PLAC1: variants seen among roughly 807,000 people sequenced by gnomAD.
PLAC1 encodes the protein placenta associated 1, also known as placenta-specific protein 1.
For missense variants in PLAC1, 136 were observed against 163.2 expected, an observed-to-expected ratio of 0.83 and a Z score of 0.91; for synonymous variants, 68 against 62.1, an observed-to-expected ratio of 1.09 and a Z score of -0.44.
At chrX:134,653,614 T>G (rs2078374756) in intron 1 of PLAC1, among the ~76,000 whole-genome samples, 1 of 111,220 alleles carries the variant, frequency 9.0e-6, no homozygotes, top group African/African-American at 3.3e-5. Flanking sequence ...GAGACCAATA[T>G]GAGGTCAGCA....
chrX:134,668,591 G>A (rs908947764), intron 2 of PLAC1, among the ~76,000 whole-genome samples: 1 of 112,784 alleles, frequency 8.9e-6, no homozygotes, highest in African/African-American at 3.2e-5. Context: ...AGGGATGTCT[G>A]CTTTTTTCCT....
chrX:134,608,582 A>G (rs775970249), intron 1 of PLAC1, among the ~76,000 whole-genome samples: 1 of 112,127 alleles, frequency 8.9e-6, no homozygotes, highest in South Asian at 3.8e-4. Flanking sequence ...TGGGATGATG[A>G]AAATGTTCTG....
rs147584327 is a variant in PLAC1, at chrX:134,608,322, C to T, written c.-130-6200G>A. Among the ~76,000 whole-genome samples the T allele has an allele frequency of 1.7e-4, 19 of 112,198 alleles. No individual in the cohort carries two copies. The Admixed American group carries it at 1.8e-3, about 11-fold the overall frequency. On this transcript the variant is annotated intron_variant, in intron 1 of 2. Coordinates refer to ENST00000359237, the MANE Select transcript of PLAC1 (RefSeq NM_021796.4). ...AACGGACAAGCAAAATGTAGTCTAT[C>T]AGTACAATGGAATATTATTCAGCCA...
intron 1 of PLAC1, among the ~76,000 whole-genome samples, chrX:134,606,663 A>G (rs1485111599): frequency 8.9e-6 from 1 of 112,410 alleles, no homozygotes; most frequent in East Asian, 2.8e-4. Flanking sequence ...ATTCTCAAAG[A>G]ACTAAAATTA....
intron 2 of PLAC1, among the ~76,000 whole-genome samples, chrX:134,716,306 C>T (rs1315375603): frequency 8.9e-6 from 1 of 112,275 alleles, no homozygotes; most frequent in Non-Finnish European, 1.9e-5. Context: ...CTGCTAATGG[C>T]AAAAAAGACA....
At chrX:134,708,130 C>G (rs1175138293) in intron 2 of PLAC1, among the ~76,000 whole-genome samples, 1 of 112,099 alleles carries the variant, frequency 8.9e-6, no homozygotes, top group Non-Finnish European at 1.9e-5. Context: ...CGTCCCTCAA[C>G]AAGTGAACGG....
intron 2 of PLAC1, among the ~76,000 whole-genome samples, chrX:134,684,938 T>G (rs73224756): frequency 1.8e-5 from 2 of 112,537 alleles, no homozygotes; most frequent in Non-Finnish European, 3.8e-5. Context: ...ACTTGGACTA[T>G]GCAGAAGAAA....
At chrX:134,586,907 G>C (rs1356270523) in intron 2 of PLAC1, among the ~76,000 whole-genome samples, 4 of 103,955 alleles carry the variant, frequency 3.8e-5, no homozygotes, top group African/African-American at 1.4e-4. Flanking sequence ...ATGTTAGCCA[G>C]GCTGGCCTCG....
At chrX:134,674,255 T>G (rs2078465742) in intron 2 of PLAC1, among the ~76,000 whole-genome samples, 1 of 112,622 alleles carries the variant, frequency 8.9e-6, no homozygotes, top group Non-Finnish European at 1.9e-5. Flanking sequence ...AGGAAAAATA[T>G]TCCAAGCACT....
intron 1 of PLAC1, among the ~76,000 whole-genome samples, chrX:134,639,593 T>C: frequency 8.9e-6 from 1 of 112,188 alleles, no homozygotes; most frequent in Non-Finnish European, 1.9e-5. Flanking sequence ...GAGGTGAAAT[T>C]CACATAAAAT....
intron 2 of PLAC1, 169 bp downstream of exon 2, chrX:134,601,882 T>C (rs1484908668): frequency 1.8e-5 from 2 of 112,294 alleles, no homozygotes; most frequent in African/African-American, 6.5e-5. Context: ...TTTCCTGGTA[T>C]AAATTAGAGT....
chrX:134,622,564 C>T lies in PLAC1; in HGVS notation c.-130-20442G>A, dbSNP rs942060817. 5.2e-4 allele frequency among the ~76,000 whole-genome samples: 58 copies of T among 111,304 alleles called. 1 individual carries two copies. Among genetic ancestry groups the T allele is most frequent in the Non-Finnish European group, 8.9e-4 (47 of 53,037 alleles). On this transcript the variant is annotated intron_variant, in intron 1 of 2. Transcript: ENST00000359237. ...CAATTTGGATACTGCTCAACACCTT[C>T]GAGTCCTTCTGGGTGGGCCTCAGTT...
At chrX:134,661,920 C>A (rs898581283), upstream of PLAC1, among the ~76,000 whole-genome samples, 1 of 112,003 alleles carries the variant, frequency 8.9e-6, no homozygotes, top group Non-Finnish European at 1.9e-5. Context: ...AATTATATAA[C>A]CTTGCAATAA....
chrX:134,590,196 A>AAAATAAATAAATAAATAAAT (rs371123358), intron 2 of PLAC1, among the ~76,000 whole-genome samples: 2 of 103,384 alleles, frequency 1.9e-5, no homozygotes, highest in African/African-American at 3.5e-5. Context: ...CTCCATCTCA[A>AAAATAAATAAATAAATAAAT]AAATAAATAA....
At chrX:134,599,199 T>C (rs953448225) in intron 2 of PLAC1, among the ~76,000 whole-genome samples, 3 of 111,796 alleles carry the variant, frequency 2.7e-5, no homozygotes, top group Non-Finnish European at 5.6e-5. Flanking sequence ...GATTGTGTGA[T>C]TTCTTTGAAA....
At chrX:134,592,041 G>A (rs1179814676) in intron 2 of PLAC1, among the ~76,000 whole-genome samples, 1 of 111,615 alleles carries the variant, frequency 9.0e-6, no homozygotes, top group Non-Finnish European at 1.9e-5. Flanking sequence ...CTAGATATGT[G>A]TCAGTTGTCA....
intron 2 of PLAC1, among the ~76,000 whole-genome samples, chrX:134,708,994 T>A (rs186428881): frequency 8.9e-6 from 1 of 112,140 alleles, no homozygotes; most frequent in African/African-American, 3.2e-5. Flanking sequence ...AGGGGGCCTC[T>A]CTGTACCATA....
chrX:134,722,729 C>G (rs1000707482), intron 2 of PLAC1, among the ~76,000 whole-genome samples: 2 of 111,969 alleles, frequency 1.8e-5, no homozygotes, highest in Non-Finnish European at 3.8e-5. Context: ...AGGGAGATAA[C>G]TGATTTTTGG....
chrX:134,717,587 A>G lies in PLAC1; in HGVS notation n.174+15848T>C, dbSNP rs376618008. 4.5e-5 allele frequency among the ~76,000 whole-genome samples: 5 copies of G among 112,254 alleles called. No individual in the cohort carries two copies. The East Asian group carries it at 1.4e-3, about 32-fold the overall frequency. ...GACAAGTAGCTTTTATCAGCCACAC[A>G]TGTGGGGGTGAGGAAAGAACTTTGC... On this transcript the variant is annotated intron_variant and non_coding_transcript_variant, in intron 2 of 2. Transcript: ENST00000466797.
Sources: allele counts gnomAD v4.1 joint callset (sites outside exome capture counted in the v4.1 genomes callset), GRCh38; gene constraint gnomAD v4.1.1; transcripts MANE v1.5; gene names NCBI Gene and HGNC (gene_info 2026-07-23, HGNC 2026-07-21).